GRID2IP: variants seen among roughly 807,000 people sequenced by gnomAD.
The protein encoded by GRID2IP is Grid2 interacting protein.
GRID2IP carries 78 observed loss-of-function variants against 114.3 expected under a neutral mutation model. The observed-to-expected ratio is 0.68, with a 90% CI of 0.57 to 0.82. GRID2IP has a LOEUF of 0.82. Ranked by LOEUF, GRID2IP falls within the 40% of genes least tolerant of loss-of-function variation. GRID2IP has a pLI of 0.00. For missense variants in GRID2IP, 1,727 were observed against 1,678.5 expected (o/e 1.03, Z -0.51); for synonymous variants, 809 against 724.0 (o/e 1.12, Z -1.89).
intron 1 of GRID2IP, among the ~76,000 whole-genome samples, chr7:6,544,780 G>A (rs1376904039): frequency 1.3e-5 from 2 of 151,878 alleles, no homozygotes; most frequent in Non-Finnish European, 2.9e-5. Context: ...ACCAGACCCT[G>A]TCTCTAAAAA....
chr7:6,524,972 C>T (rs1025157388), intron 4 of GRID2IP, among the ~76,000 whole-genome samples: 3 of 151,710 alleles, frequency 2.0e-5, no homozygotes, highest in Non-Finnish European at 4.4e-5. Flanking sequence ...CCTGCCTTGG[C>T]CTCCTAAAAT....
At position 6,530,350 on chromosome 7, in the gene GRID2IP, G is replaced by C. The variant is rs949953879; in HGVS notation, c.585-3581C>G. 4.6e-5 allele frequency among the ~76,000 whole-genome samples: 7 copies of C among 151,674 alleles called. No homozygotes were observed. The East Asian group carries it at 1.4e-3, about 29-fold the overall frequency. ...ACACTCTTGGCTCACTGCAACCTCC[G>C]CCTCCCAGGTTCAAGCGATTCTCCT... On this transcript the variant is annotated intron_variant, in intron 2 of 21. Coordinates refer to ENST00000457091, the MANE Select transcript of GRID2IP (RefSeq NM_001145118.2).
Position 6,509,058 on chromosome 7 carries a change from C to T in GRID2IP, c.2027G>A (p.Ser676Asn), listed in dbSNP as rs1786682520. Residue 676 changes from serine (S) to asparagine (N), a missense_variant, in exon 12 of 22, where the codon AGC (serine) becomes AAC (asparagine). Transcript: ENST00000457091. The surrounding 1 kb of genome is among the most constrained non-coding windows in gnomAD (Gnocchi z 4.9). Reference protein sequence around the residue: ...KLFTFSHPVRSRDTDRFLDVL... With the variant: ...KLFTFSHPVRNRDTDRFLDVL... Reference sequence around the variant, plus strand: ...GTCCAGGAAGCGGTCAGTATCGCGGCTTCGCACAGGGTGGGAGAAGGTGAA... The same window carrying T: ...GTCCAGGAAGCGGTCAGTATCGCGGTTTCGCACAGGGTGGGAGAAGGTGAA... 3.3e-6 allele frequency: 5 copies of T among 1,519,648 alleles called. No individual in the cohort carries two copies. Among genetic ancestry groups the T allele is most frequent in the Non-Finnish European group, 4.4e-6 (5 of 1,132,182 alleles). 94.1% of individuals were successfully genotyped at this position (1,519,648 alleles called of 1,614,324 possible). A position where few individuals can be genotyped will look rare whatever the true frequency, so the allele number is the denominator to read the frequency against.
At chr7:6,545,265 C>G (rs1779870622) in intron 1 of GRID2IP, among the ~76,000 whole-genome samples, 1 of 152,066 alleles carries the variant, frequency 6.6e-6, no homozygotes, top group Non-Finnish European at 1.5e-5. Flanking sequence ...GGTGACAGAT[C>G]AAGACCCTGT....
In GRID2IP at chr7:6,502,850, T is replaced by C. The variant is rs1397780601; in HGVS notation, c.3086A>G (p.Tyr1029Cys). The C allele has an allele frequency of 1.9e-6, 3 of 1,551,968 alleles. No individual in the cohort carries two copies. The highest frequency in any genetic ancestry group is 2.6e-6 in the Non-Finnish European group (3 of 1,146,984). Residue 1029 changes from tyrosine to cysteine, a missense_variant, in exon 18 of 22, where the codon TAT (tyrosine) becomes TGT (cysteine). Coordinates refer to ENST00000457091, the MANE Select transcript of GRID2IP (RefSeq NM_001145118.2). Reference sequence around the variant, plus strand: ...GGTTTTGGGCTGTCCATCGTTGAGATAGTTGCCCATGGCCAACACAAACTG... The same window carrying C: ...GGTTTTGGGCTGTCCATCGTTGAGACAGTTGCCCATGGCCAACACAAACTG... ...ILEFVLAMGN[Y>C]LNDGQPKTNK...
At chr7:6,517,060 CTTT>C (rs762838622) in intron 7 of GRID2IP, among the ~76,000 whole-genome samples, 1 of 142,874 alleles carries the variant, frequency 7.0e-6, no homozygotes. Flanking sequence ...GTCTTTCTTT[CTTT>C]TTTTTTTTTT....
In GRID2IP at chr7:6,507,903, T is replaced by C. The variant is rs939690247; in HGVS notation, c.2544+82A>G. On this transcript the variant is annotated intron_variant, in intron 13 of 21. Coordinates refer to ENST00000457091, the MANE Select transcript of GRID2IP (RefSeq NM_001145118.2). The surrounding 1 kb of genome is among the most constrained non-coding windows in gnomAD (Gnocchi z 5.3). ...AGGGAGGATGATGTTGGAAGATGCC[T>C]GGCCGATGGGTTTTCCTTCAGTGCT... 1 of 1,513,150 alleles carries C rather than the reference T, an allele frequency of 6.6e-7. No individual in the cohort carries two copies. Among genetic ancestry groups the C allele is most frequent in the African/African-American group, 1.4e-5 (1 of 72,154 alleles). 93.7% of individuals were successfully genotyped at this position (1,513,150 alleles called of 1,614,324 possible).
intron 2 of GRID2IP, among the ~76,000 whole-genome samples, chr7:6,533,631 T>C (rs573026263): frequency 1.3e-5 from 2 of 151,904 alleles, no homozygotes; most frequent in Admixed American, 6.6e-5. Flanking sequence ...CCAAAATCGC[T>C]AGGATTACAG....
chr7:6,501,694 T>C, intron 20 of GRID2IP, 87 bp downstream of exon 20: 1 of 904,706 alleles, frequency 1.1e-6, no homozygotes. Flanking sequence ...GAAGTCGAGG[T>C]CTCCAGCGGC....
intron 4 of GRID2IP, 106 bp from the exon 5 acceptor site, chr7:6,522,063 T>C: frequency 3.3e-6 from 3 of 907,722 alleles, no homozygotes; most frequent in Non-Finnish European, 5.2e-6. Context: ...CAGAGACCCA[T>C]AGCTTGCCGG....
In GRID2IP at chr7:6,506,086, G is replaced by A. The variant is rs971230250; in HGVS notation, c.2545-179C>T. Among the ~76,000 whole-genome samples the A allele has an allele frequency of 7.9e-5, 12 of 152,320 alleles. No individual in the cohort carries two copies. Among genetic ancestry groups the A allele is most frequent in the Admixed American group, 3.9e-4 (6 of 15,298 alleles). On this transcript the variant is annotated intron_variant, in intron 13 of 21. Coordinates refer to ENST00000457091, the MANE Select transcript of GRID2IP (RefSeq NM_001145118.2). The surrounding 1 kb of genome is among the most constrained non-coding windows in gnomAD (Gnocchi z 5.2). Reference sequence around the variant, plus strand: ...GAGAAGCCAGATCATCCGAGTCACCGGGTGCTGAGCCAGCGCCTCCTGGGG... The same window carrying A: ...GAGAAGCCAGATCATCCGAGTCACCAGGTGCTGAGCCAGCGCCTCCTGGGG...
In GRID2IP at chr7:6,526,094, T is replaced by C; in HGVS notation, c.919+130A>G. On this transcript the variant is annotated intron_variant, in intron 4 of 21. Coordinates refer to ENST00000457091, the MANE Select transcript of GRID2IP (RefSeq NM_001145118.2). This position sits in a 1 kb window ranked among gnomAD's most constrained non-coding sequence, Gnocchi z 7.6. ...TCTGGGGACACGGTCTACACAAGGATGGTACCTGACGTGGAGGGGTTGCTG... is the reference window on the plus strand; with the variant it reads ...TCTGGGGACACGGTCTACACAAGGACGGTACCTGACGTGGAGGGGTTGCTG... 2.9e-6 allele frequency: 2 copies of C among 696,972 alleles called. No homozygotes were observed. The highest frequency in any genetic ancestry group is 3.2e-5 in the South Asian group (2 of 62,616). The allele number at this position is 696,972 out of a possible 1,614,324, so 43.2% of individuals were successfully genotyped here. A position where few individuals can be genotyped will look rare whatever the true frequency, so the allele number is the denominator to read the frequency against.
chr7:6,544,407 G>A (rs2115100866), intron 1 of GRID2IP, among the ~76,000 whole-genome samples: 1 of 151,956 alleles, frequency 6.6e-6, no homozygotes, highest in Non-Finnish European at 1.5e-5. Context: ...ACCCTCCTGA[G>A]TAGCTGGGAT....
chr7:6,510,823 C>T (rs1779132548), intron 9 of GRID2IP, 85 bp downstream of exon 9: 1 of 1,483,678 alleles, frequency 6.7e-7, no homozygotes. Flanking sequence ...AGCCCCATTC[C>T]CTGGGATTCC....
At chr7:6,540,687 A>AT (rs34930808) in intron 1 of GRID2IP, among the ~76,000 whole-genome samples, 3,018 of 92,210 alleles carry the variant, frequency 0.033, 177 homozygotes, top group African/African-American at 0.11. Flanking sequence ...CACCTGGCTA[A>AT]TTTTTTTTTT....
chr7:6,500,899 T>C (rs769203782), intron 20 of GRID2IP, among the ~76,000 whole-genome samples: 1 of 152,230 alleles, frequency 6.6e-6, no homozygotes, highest in Non-Finnish European at 1.5e-5. Flanking sequence ...CCCTCCTGAC[T>C]GCCTTTGGCT....
At position 6,550,994 on chromosome 7, in the gene GRID2IP, C is replaced by T; in HGVS notation, c.429+14G>A. On this transcript the variant is annotated intron_variant, in intron 1 of 21. Coordinates refer to ENST00000457091, the MANE Select transcript of GRID2IP (RefSeq NM_001145118.2). ...CCCTCCTTCCCGCCCCCACCTCCCA[C>T]CCCCGCGCCTTACCTTGCGGCTGAA... 1 of 1,233,376 alleles carries T rather than the reference C, an allele frequency of 8.1e-7. No individual in the cohort carries two copies. The highest frequency in any genetic ancestry group is 1.0e-6 in the Non-Finnish European group (1 of 985,474). 76.4% of individuals were successfully genotyped at this position (1,233,376 alleles called of 1,614,324 possible).
In GRID2IP at chr7:6,508,655, G is replaced by A. The variant is rs574181141; in HGVS notation, c.2128-254C>T. 1.4e-4 allele frequency among the ~76,000 whole-genome samples: 22 copies of A among 152,232 alleles called. No individual in the cohort carries two copies. In the South Asian group the frequency reaches 4.6e-3, roughly 32 times the overall value. On this transcript the variant is annotated intron_variant, in intron 12 of 21. Transcript: ENST00000457091. This position sits in a 1 kb window ranked among gnomAD's most constrained non-coding sequence, Gnocchi z 5.6. The stretch of plus-strand genomic sequence containing the variant: ...CCTCAGGCTGTGAGGGGGATAGCCT[G>A]GAATAAGGACAGGACCCTGTCACGG...
rs1486364254 is a variant in GRID2IP at position 6,521,967 on chromosome 7, A to C, written c.920-10T>G. ...TTGTCAGCTGGGCTCCCTGGAAGCA[A>C]GAAGAGAGGGTGTGCCGGTCAGCTG... On this transcript the variant is annotated splice_polypyrimidine_tract_variant and intron_variant, in intron 4 of 21. Transcript: ENST00000457091. The surrounding 1 kb of genome is among the most constrained non-coding windows in gnomAD (Gnocchi z 4.1). 1.2e-5 allele frequency: 18 copies of C among 1,550,124 alleles called. No individual in the cohort carries two copies. Among genetic ancestry groups the C allele is most frequent in the Non-Finnish European group, 1.6e-5 (18 of 1,145,884 alleles).
Sources: allele counts gnomAD v4.1 joint callset (sites outside exome capture counted in the v4.1 genomes callset), GRCh38; gene constraint gnomAD v4.1.1; non-coding constraint Gnocchi (gnomAD v3.1); transcripts MANE v1.5; gene names NCBI Gene and HGNC (gene_info 2026-07-23, HGNC 2026-07-21).